PSMB1: variants seen among roughly 807,000 people sequenced by gnomAD.
PSMB1 encodes proteasome 20S subunit beta 1.
In PSMB1, 7 loss-of-function variants were observed where a neutral mutation model predicts 25.4. The ratio of observed to expected loss-of-function variants is 0.28; its 90% CI spans 0.16 to 0.52. The LOEUF (loss-of-function observed/expected upper bound fraction) is 0.52, where lower values mean the gene tolerates loss of function less well. PSMB1 is among the 20% of genes least tolerant of loss of function. PSMB1 has a pLI of 0.97. For synonymous variants in PSMB1, 119 were observed against 115.0 expected, an observed-to-expected ratio of 1.03 and a Z score of -0.22; for missense variants, 284 against 302.2, an observed-to-expected ratio of 0.94 and a Z score of 0.45.
At position 170,543,786 on chromosome 6, in the gene PSMB1, G is replaced by A. The variant is rs778855448; in HGVS notation, c.304-56C>T. ...TAGAGGCAGAGGCCATTATAGACTA[G>A]AACAATCAACAGTATAAAGTGAATA... On this transcript the variant is annotated intron_variant, in intron 3 of 5. Transcript: ENST00000262193. 7 of 1,495,762 alleles carry A rather than the reference G, an allele frequency of 4.7e-6. No individual in the cohort carries two copies. The South Asian group carries it at 7.8e-5, about 17-fold the overall frequency. 92.7% of individuals were successfully genotyped at this position (1,495,762 alleles called of 1,614,324 possible).
At chr6:170,545,289 C>T (rs1778804800) in intron 3 of PSMB1, among the ~76,000 whole-genome samples, 1 of 152,072 alleles carries the variant, frequency 6.6e-6, no homozygotes, top group African/African-American at 2.4e-5. Context: ...GTTTTATTAA[C>T]AATATCATGT....
rs773800412 is a variant in PSMB1 at position 170,535,289 on chromosome 6, G to A, written c.657C>T (p.Asp219=). The change falls in exon 6 of 6, where the codon GAC becomes GAT. Residue 219 remains aspartate, a synonymous_variant. Coordinates refer to ENST00000262193, the MANE Select transcript of PSMB1 (RefSeq NM_002793.4). ...TGGTCACTATGCAGATCCGGAGTGC[G>A]TCCCCAGTGTACACATCTCTCTCAG... The part of the protein sequence containing the change: ...SAAERDVYTG[D]ALRICIVTKE... 50 of 1,613,958 alleles carry A rather than the reference G, an allele frequency of 3.1e-5. No individual in the cohort carries two copies. Among genetic ancestry groups the A allele is most frequent in the African/African-American group, 1.2e-4 (9 of 74,892 alleles).
intron 1 of PSMB1, among the ~76,000 whole-genome samples, chr6:170,552,692 A>C (rs1215910105): frequency 2.0e-5 from 3 of 152,226 alleles, no homozygotes; most frequent in African/African-American, 7.2e-5. Flanking sequence ...CAGACCAAAC[A>C]ACCCTAACTT....
At chr6:170,535,546 T>G in intron 5 of PSMB1, 141 bp from the exon 6 acceptor site, 1 of 736,866 alleles carries the variant, frequency 1.4e-6, no homozygotes. Flanking sequence ...TCAGACTGAA[T>G]AAAGACCCTT....
At chr6:170,544,973 C>T (rs1241037713) in intron 3 of PSMB1, among the ~76,000 whole-genome samples, 6 of 151,928 alleles carry the variant, frequency 3.9e-5, no homozygotes, top group African/African-American at 2.4e-5. Flanking sequence ...GGTGAAACCC[C>T]GTCTCTACTA....
chr6:170,538,677 C>A (rs1474382199), intron 4 of PSMB1, among the ~76,000 whole-genome samples: 1 of 152,106 alleles, frequency 6.6e-6, no homozygotes, highest in African/African-American at 2.4e-5. Flanking sequence ...CCAGCCTGGG[C>A]AACAGAGCGA....
Position 170,548,939 on chromosome 6 carries a change from T to C in PSMB1, c.221+67A>G, listed in dbSNP as rs563589936. 57 of 1,187,594 alleles carry C rather than the reference T, an allele frequency of 4.8e-5. No individual in the cohort carries two copies. In the East Asian group the frequency reaches 1.1e-3, roughly 23 times the overall value. 73.6% of individuals were successfully genotyped at this position (1,187,594 alleles called of 1,614,324 possible). On this transcript the variant is annotated intron_variant, in intron 2 of 5. Coordinates refer to ENST00000262193, the MANE Select transcript of PSMB1 (RefSeq NM_002793.4). ...ACTCATGAAACAAATCATTTAGAAG[T>C]AGAAACTCTCACAACATCAAATCAT...
intron 3 of PSMB1, among the ~76,000 whole-genome samples, chr6:170,544,539 T>C (rs1778793898): frequency 6.6e-6 from 1 of 152,136 alleles, no homozygotes; most frequent in Non-Finnish European, 1.5e-5. Context: ...GTTAACCACA[T>C]AGCAAACATC....
chr6:170,537,561 AC>A (rs1017174713), intron 4 of PSMB1, among the ~76,000 whole-genome samples: 4 of 152,174 alleles, frequency 2.6e-5, no homozygotes, highest in African/African-American at 9.7e-5. Context: ...CACAGGTGCC[AC>A]CCAGCAGACA....
chr6:170,546,297 G>GACAA, intron 2 of PSMB1, 113 bp from the exon 3 acceptor site: 1 of 805,616 alleles, frequency 1.2e-6, no homozygotes. Flanking sequence ...ATGGTAATGG[G>GACAA]ACAAACAGTC....
chr6:170,546,002 G>A, intron 3 of PSMB1, 101 bp downstream of exon 3: 1 of 938,642 alleles, frequency 1.1e-6, no homozygotes, highest in South Asian at 1.5e-5. Context: ...CTAACCTAGT[G>A]ACTCTCTAGC....
chr6:170,538,353 T>A (rs961648672), intron 4 of PSMB1, among the ~76,000 whole-genome samples: 1 of 152,224 alleles, frequency 6.6e-6, no homozygotes, highest in African/African-American at 2.4e-5. Flanking sequence ...GACAATCTCC[T>A]TACTAACCAT....
intron 3 of PSMB1, 37 bp downstream of exon 3, chr6:170,546,066 A>C (rs1778813378): frequency 6.6e-7 from 1 of 1,517,962 alleles, no homozygotes; most frequent in South Asian, 1.2e-5. Context: ...AATTACTATT[A>C]ATTTAAAATA....
chr6:170,538,800 G>A lies in PSMB1; in HGVS notation c.434-1460C>T, dbSNP rs147811458. Among the ~76,000 whole-genome samples the A allele has an allele frequency of 8.0e-4, 122 of 152,316 alleles. 1 individual carries two copies. Among genetic ancestry groups the A allele is most frequent in the Non-Finnish European group, 1.4e-3 (94 of 68,026 alleles). ...AAGTATTTTTGCTGGAAGCAAGCTT[G>A]GGACAAGACATGAGATCACAGCAGG... On this transcript the variant is annotated intron_variant, in intron 4 of 5. Transcript: ENST00000262193.
intron 1 of PSMB1, chr6:170,549,729 T>C (rs560341300): frequency 3.3e-5 from 5 of 152,376 alleles, no homozygotes; most frequent in African/African-American, 1.2e-4. Context: ...GTTTCGCAGA[T>C]ATGAGACTGT....
At position 170,546,098 on chromosome 6, in the gene PSMB1, T is replaced by C. The variant is rs1778814210; in HGVS notation, c.303+5A>G. On this transcript the variant is annotated splice_donor_5th_base_variant and intron_variant, in intron 3 of 5. Transcript: ENST00000262193. ...AATAGTGTAGAAATGTACAAAAGCA[T>C]CTACCTTTAGTCTTGCTTCAATAAT... 1 of 1,609,114 alleles carries C rather than the reference T, an allele frequency of 6.2e-7. No homozygotes were observed. Among genetic ancestry groups the C allele is most frequent in the Non-Finnish European group, 8.5e-7 (1 of 1,175,908 alleles).
chr6:170,541,258 G>C (rs1467995428), intron 4 of PSMB1, among the ~76,000 whole-genome samples: 1 of 151,888 alleles, frequency 6.6e-6, no homozygotes, highest in Non-Finnish European at 1.5e-5. Flanking sequence ...GAATGTACAA[G>C]GAACTGACAA....
At chr6:170,537,003 A>G (rs1778702398) in intron 5 of PSMB1, among the ~76,000 whole-genome samples, 1 of 152,210 alleles carries the variant, frequency 6.6e-6, no homozygotes, top group Non-Finnish European at 1.5e-5. Flanking sequence ...ACAGGAAAAC[A>G]ATCAAAACCA....
chr6:170,540,465 C>G (rs1410398062), intron 4 of PSMB1, among the ~76,000 whole-genome samples: 1 of 151,896 alleles, frequency 6.6e-6, no homozygotes, highest in African/African-American at 2.4e-5. Flanking sequence ...TAAAGAAATT[C>G]TTCATCTGAA....
Sources: gnomAD v4.1 joint callset for allele counts (sites outside exome capture counted in the v4.1 genomes callset) on GRCh38, gnomAD v4.1.1 for gene constraint, MANE v1.5 for transcripts, NCBI Gene and HGNC (gene_info 2026-07-23, HGNC 2026-07-21) for gene names.